The following CHCHD3 variants were observed in gnomAD, a reference collection of about 807,000 sequenced individuals.
CHCHD3 encodes the protein coiled-coil-helix-coiled-coil-helix domain containing 3, also known as MICOS complex subunit MIC19.
Under a neutral mutation model 38.2 loss-of-function variants are expected in CHCHD3, and 20 were observed. The observed-to-expected ratio is 0.52, with a 90% CI of 0.37 to 0.76. The LOEUF is 0.76. CHCHD3 is among the 30% of genes least tolerant of loss of function. The probability of loss-of-function intolerance (pLI) is 0.00; values close to 1 mark genes in which losing one functional copy is unlikely to be tolerated. For missense variants in CHCHD3, 245 were observed against 279.2 expected (o/e 0.88, Z 0.87); for synonymous variants, 82 against 100.0 (o/e 0.82, Z 1.07).
chr7:133,023,103 A>C (rs980317206), intron 3 of CHCHD3, among the ~76,000 whole-genome samples: 1 of 152,110 alleles, frequency 6.6e-6, no homozygotes, highest in African/African-American at 2.4e-5. Flanking sequence ...TTTTTTTGGA[A>C]TATTTAAACT....
At chr7:133,060,419 C>T (rs1412664615) in intron 2 of CHCHD3, among the ~76,000 whole-genome samples, 10 of 152,120 alleles carry the variant, frequency 6.6e-5, no homozygotes, top group African/African-American at 9.7e-5. Flanking sequence ...TGCACAGGTA[C>T]CACAGGCCCA....
At chr7:132,959,563 A>C (rs544401107) in intron 4 of CHCHD3, among the ~76,000 whole-genome samples, 39 of 152,118 alleles carry the variant, frequency 2.6e-4, no homozygotes, top group Admixed American at 1.8e-3. Context: ...TCTCCGATGA[A>C]AATACAAAAA....
chr7:132,924,845 C>T (rs1031792366), intron 4 of CHCHD3, among the ~76,000 whole-genome samples: 2 of 152,160 alleles, frequency 1.3e-5, no homozygotes, highest in Non-Finnish European at 2.9e-5. Context: ...ACTCGGCATG[C>T]AGCAACACCC....
At chr7:133,075,325 G>A (rs898541573) in intron 1 of CHCHD3, among the ~76,000 whole-genome samples, 8 of 152,016 alleles carry the variant, frequency 5.3e-5, no homozygotes, top group African/African-American at 1.9e-4. Flanking sequence ...CATATTGTAC[G>A]GCTGCCTTAT....
chr7:132,822,369 T>A lies in CHCHD3; in HGVS notation c.524+16030A>T, dbSNP rs75218997. 8.1e-4 allele frequency among the ~76,000 whole-genome samples: 124 copies of A among 152,300 alleles called. 5 individuals carry two copies. In the East Asian group the frequency reaches 9.4e-3, roughly 12 times the overall value. On this transcript the variant is annotated intron_variant, in intron 6 of 7. Transcript: ENST00000262570. Reference sequence around the variant, plus strand: ...AGGTTGTGCCAAAATGCAGTATTTTTAAATTATACAAGTCAAAAAAGCCTA... The same window carrying A: ...AGGTTGTGCCAAAATGCAGTATTTTAAAATTATACAAGTCAAAAAAGCCTA...
At chr7:133,038,629 C>A (rs888989649) in intron 2 of CHCHD3, among the ~76,000 whole-genome samples, 1 of 152,190 alleles carries the variant, frequency 6.6e-6, no homozygotes, top group Admixed American at 6.5e-5. Context: ...ATGAAAAATT[C>A]TTGGCCACTG....
intron 1 of CHCHD3, 109 bp from the exon 2 acceptor site, chr7:133,070,338 C>G (rs577868920): frequency 1.3e-6 from 1 of 788,164 alleles, no homozygotes; most frequent in African/African-American, 1.8e-5. Flanking sequence ...ATGACGAATG[C>G]CCTAAAGAAA....
chr7:132,972,488 A>G (rs1183647761), intron 4 of CHCHD3: 6 of 765,952 alleles, frequency 7.8e-6, no homozygotes, highest in Non-Finnish European at 9.5e-6. Context: ...ACATTGAGTG[A>G]TTTTAGTATC....
chr7:132,852,841 T>G (rs1454937639), intron 5 of CHCHD3, among the ~76,000 whole-genome samples: 3 of 152,164 alleles, frequency 2.0e-5, no homozygotes, highest in Admixed American at 6.5e-5. Flanking sequence ...ACCTGACTTT[T>G]TAAAATAAGA....
At chr7:132,875,795 A>C (rs891761349) in intron 5 of CHCHD3, among the ~76,000 whole-genome samples, 4 of 152,182 alleles carry the variant, frequency 2.6e-5, no homozygotes, top group African/African-American at 9.7e-5. Flanking sequence ...ACCAAAGTTA[A>C]AATCCTATCT....
chr7:132,838,327 G>T, intron 6 of CHCHD3, 72 bp downstream of exon 6: 2 of 1,052,306 alleles, frequency 1.9e-6, no homozygotes, highest in Non-Finnish European at 1.4e-6. Context: ...TATGATCTGT[G>T]CAAAAAGCAC....
intron 4 of CHCHD3, among the ~76,000 whole-genome samples, chr7:132,900,289 C>G (rs894771468): frequency 6.6e-6 from 1 of 152,272 alleles, no homozygotes; most frequent in African/African-American, 2.4e-5. Flanking sequence ...ACAATTACAT[C>G]ATACGGACAT....
At chr7:132,974,022 T>C in intron 4 of CHCHD3, 1 of 1,285,104 alleles carries the variant, frequency 7.8e-7, no homozygotes, top group Non-Finnish European at 1.0e-6. Context: ...GCTCCACTTT[T>C]ATCTATCAAA....
In CHCHD3 at chr7:132,785,317, G is replaced by C. The variant is rs1384875398; in HGVS notation, c.*320C>G. The C allele has an allele frequency of 3.4e-6, 1 of 295,272 alleles. No individual in the cohort carries two copies. Among genetic ancestry groups the C allele is most frequent in the Non-Finnish European group, 6.3e-6 (1 of 159,160 alleles). The allele number at this position is 295,272 out of a possible 1,614,324, so 18.3% of individuals were successfully genotyped here. A position where few individuals can be genotyped will look rare whatever the true frequency, so the allele number is the denominator to read the frequency against. On this transcript the variant is annotated 3_prime_UTR_variant, in exon 8 of 8. Transcript: ENST00000262570. ...CAAATGATGGGGCTTGTTCAGAAGA[G>C]AAACATTTTATGGTCAGTGCAAGTT...
At chr7:132,826,591 G>T (rs1807515317) in intron 6 of CHCHD3, among the ~76,000 whole-genome samples, 1 of 152,214 alleles carries the variant, frequency 6.6e-6, no homozygotes, top group South Asian at 2.1e-4. Flanking sequence ...GAAAGCACAT[G>T]AAATAATTTA....
chr7:132,805,394 G>A (rs1806891739), intron 6 of CHCHD3, among the ~76,000 whole-genome samples: 1 of 152,092 alleles, frequency 6.6e-6, no homozygotes, highest in South Asian at 2.1e-4. Context: ...AGAGTGAAGG[G>A]CAGGACTGTA....
At chr7:132,799,985 T>G (rs528060276) in intron 6 of CHCHD3, among the ~76,000 whole-genome samples, 3 of 152,276 alleles carry the variant, frequency 2.0e-5, no homozygotes, top group Non-Finnish European at 2.9e-5. Flanking sequence ...TCCCAAAGAT[T>G]TGACCCCAGA....
intron 6 of CHCHD3, among the ~76,000 whole-genome samples, chr7:132,835,149 A>ATTTTT (rs60504335): frequency 7.2e-6 from 1 of 138,842 alleles, no homozygotes; most frequent in African/African-American, 2.7e-5. Context: ...TAATTTTTGT[A>ATTTTT]TTTTTTTTTT....
intron 4 of CHCHD3, among the ~76,000 whole-genome samples, chr7:132,904,696 A>T (rs1449251374): frequency 6.6e-6 from 1 of 152,192 alleles, no homozygotes; most frequent in Non-Finnish European, 1.5e-5. Flanking sequence ...TTCCTCAGGG[A>T]TCTAGAACTA....
Sources: gnomAD v4.1 joint callset for allele counts (sites outside exome capture counted in the v4.1 genomes callset) on GRCh38, gnomAD v4.1.1 for gene constraint, MANE v1.5 for transcripts, NCBI Gene and HGNC (gene_info 2026-07-23, HGNC 2026-07-21) for gene names.